The following AKAP6 variants were observed in gnomAD, a reference collection of about 807,000 sequenced individuals.
AKAP6 encodes the protein A-kinase anchor protein 6.
AKAP6 carries 58 observed loss-of-function variants against 188.5 expected under a neutral mutation model. The observed-to-expected ratio is 0.31, with a 90% CI of 0.25 to 0.38. The LOEUF is 0.38. Ranked by LOEUF, AKAP6 falls within the 10% of genes least tolerant of loss-of-function variation. The pLI is 1.00. For synonymous variants in AKAP6, 989 were observed against 998.6 expected (o/e 0.99, Z 0.18); for missense variants, 2,710 against 2,740.0 (o/e 0.99, Z 0.24).
chr14:32,560,091 A>C (rs1221126803), intron 4 of AKAP6, among the ~76,000 whole-genome samples: 1 of 152,152 alleles, frequency 6.6e-6, no homozygotes, highest in Non-Finnish European at 1.5e-5. Context: ...AATTTAACAA[A>C]TGTCTCCAAG....
At chr14:32,645,401 A>G (rs1240644917) in intron 7 of AKAP6, among the ~76,000 whole-genome samples, 2 of 152,132 alleles carry the variant, frequency 1.3e-5, no homozygotes, top group African/African-American at 2.4e-5. Context: ...CAGACAATCT[A>G]TTTCATAACT....
chr14:32,591,746 T>G (rs1566593413), intron 5 of AKAP6, among the ~76,000 whole-genome samples: 1 of 152,224 alleles, frequency 6.6e-6, no homozygotes, highest in African/African-American at 2.4e-5. Context: ...CAGAGTTCTT[T>G]TATTTTTTAA....
rs546819675 is a variant in AKAP6, at chr14:32,811,255, A to AAAAAAAAAAAAAAAAAAAAAAAAAAT, written c.3589-10146_3589-10145insAAAAAAAAAAAAAAAAAAAAAAAATA. Among the ~76,000 whole-genome samples the AAAAAAAAAAAAAAAAAAAAAAAAAAT allele has an allele frequency of 2.0e-4, 24 of 118,340 alleles. 2 individuals are homozygous for AAAAAAAAAAAAAAAAAAAAAAAAAAT. The highest frequency in any genetic ancestry group is 2.6e-4 in the East Asian group (1 of 3,844). The allele number at this position is 118,340 out of a possible 152,430, so 77.6% of individuals were successfully genotyped here. On this transcript the variant is annotated intron_variant, in intron 12 of 13. Transcript: ENST00000280979. Reference sequence around the variant, plus strand: ...CTCCGTCTCAGGAAAAAAAAAAAAAAAGTTGAAAAACAGACTAAGATAATG... The same window carrying AAAAAAAAAAAAAAAAAAAAAAAAAAT: ...CTCCGTCTCAGGAAAAAAAAAAAAAAAAAAAAAAAAAAAAAAAAAAAAAAATAGTTGAAAAACAGACTAAGATAATG...
intron 12 of AKAP6, among the ~76,000 whole-genome samples, chr14:32,817,292 T>G (rs189336603): frequency 2.4e-3 from 361 of 152,232 alleles, no homozygotes; most frequent in Non-Finnish European, 3.7e-3. Context: ...GGAATCTTGG[T>G]TCTTCTTTTT....
intron 1 of AKAP6, among the ~76,000 whole-genome samples, chr14:32,372,575 T>A (rs1236356442): frequency 4.0e-5 from 6 of 151,510 alleles, no homozygotes; most frequent in African/African-American, 4.8e-5. Flanking sequence ...TTTTTTTTTT[T>A]AATTTTTGGA....
At chr14:32,420,247 G>T (rs1027828359) in intron 1 of AKAP6, among the ~76,000 whole-genome samples, 7 of 151,994 alleles carry the variant, frequency 4.6e-5, no homozygotes, top group African/African-American at 1.7e-4. Flanking sequence ...GGATGGTATG[G>T]CTACTCCCTG....
intron 2 of AKAP6, among the ~76,000 whole-genome samples, chr14:32,470,594 G>GAGAGGAAAACTGCC (rs1228259197): frequency 2.6e-5 from 4 of 152,132 alleles, no homozygotes; most frequent in Non-Finnish European, 5.9e-5. Context: ...TAAAGCAGCT[G>GAGAGGAAAACTGCC]AGAGGAAAAC....
chr14:32,335,030 A>G (rs1046282188), intron 1 of AKAP6, among the ~76,000 whole-genome samples: 1 of 152,120 alleles, frequency 6.6e-6, no homozygotes, highest in African/African-American at 2.4e-5. Flanking sequence ...TACTCCCTGC[A>G]GCCTTGAAAT....
intron 2 of AKAP6, among the ~76,000 whole-genome samples, chr14:32,509,913 G>A (rs762342460): frequency 1.1e-4 from 16 of 152,166 alleles, no homozygotes; most frequent in Middle Eastern, 3.4e-3. Context: ...CTTCATTCCC[G>A]TTGAAGCTGC....
chr14:32,585,087 G>A (rs759587500), intron 5 of AKAP6, among the ~76,000 whole-genome samples: 11 of 150,912 alleles, frequency 7.3e-5, no homozygotes, highest in Admixed American at 1.3e-4. Flanking sequence ...TAAGAGTAAA[G>A]CAGCAGAGCA....
rs185944841 is a variant in AKAP6 at position 32,577,002 on chromosome 14, G to A, written c.2347-118G>A. 2.3e-4 allele frequency: 264 copies of A among 1,139,538 alleles called. 1 individual carries two copies. In the East Asian group the frequency reaches 6.7e-3, roughly 29 times the overall value. The allele number at this position is 1,139,538 out of a possible 1,614,324, so 70.6% of individuals were successfully genotyped here. A position where few individuals can be genotyped will look rare whatever the true frequency, so the allele number is the denominator to read the frequency against. On this transcript the variant is annotated intron_variant, in intron 4 of 13. Coordinates refer to ENST00000280979, the MANE Select transcript of AKAP6 (RefSeq NM_004274.5). ...AAAGATGAAACTAGGATAGGAGTGCGGTGGGATCGATTTGATCATGGATAA... is the reference window on the plus strand; with the variant it reads ...AAAGATGAAACTAGGATAGGAGTGCAGTGGGATCGATTTGATCATGGATAA...
intron 2 of AKAP6, among the ~76,000 whole-genome samples, chr14:32,465,770 A>G (rs1412609302): frequency 6.6e-6 from 1 of 152,238 alleles, no homozygotes; most frequent in Non-Finnish European, 1.5e-5. Context: ...CACGCAAAAG[A>G]AATTATCATC....
intron 2 of AKAP6, among the ~76,000 whole-genome samples, chr14:32,526,981 G>T (rs1882162609): frequency 6.6e-6 from 1 of 152,152 alleles, no homozygotes; most frequent in Admixed American, 6.5e-5. Context: ...CAATTCCATA[G>T]TGTACATAGT....
At chr14:32,544,722 T>C (rs972027216) in intron 3 of AKAP6, among the ~76,000 whole-genome samples, 2 of 152,240 alleles carry the variant, frequency 1.3e-5, no homozygotes, top group Admixed American at 6.5e-5. Context: ...GATTCATCAA[T>C]ATATGTTTAA....
intron 11 of AKAP6, among the ~76,000 whole-genome samples, chr14:32,754,397 C>T (rs1397177108): frequency 6.6e-6 from 1 of 152,064 alleles, no homozygotes; most frequent in Non-Finnish European, 1.5e-5. Context: ...TTAACTTCTC[C>T]TCCTCCCCCA....
chr14:32,721,376 T>G (rs1011690642), intron 9 of AKAP6, among the ~76,000 whole-genome samples: 1 of 152,154 alleles, frequency 6.6e-6, no homozygotes, highest in Non-Finnish European at 1.5e-5. Context: ...ATGAAGGAAA[T>G]TTTTGAGGGT....
chr14:32,755,970 A>G (rs1394050335), intron 11 of AKAP6, among the ~76,000 whole-genome samples: 1 of 152,160 alleles, frequency 6.6e-6, no homozygotes, highest in African/African-American at 2.4e-5. Flanking sequence ...TCCAGTCTTT[A>G]CAGACTCACT....
At position 32,440,804 on chromosome 14, in the gene AKAP6, T is replaced by C. The variant is rs146913120; in HGVS notation, c.324+6987T>C. ...ATGTATTTGTTGATGGGTATGAGGA[T>C]GGTAACATTTATTATTTTCCCAAAG... On this transcript the variant is annotated intron_variant, in intron 2 of 13. Transcript: ENST00000280979. Among the ~76,000 whole-genome samples, 462 of 152,344 alleles carry C rather than the reference T, an allele frequency of 3.0e-3. 4 individuals are homozygous for C. The highest frequency in any genetic ancestry group is 8.1e-3 in the South Asian group (39 of 4,832).
At chr14:32,607,023 A>G (rs1041893676) in intron 7 of AKAP6, among the ~76,000 whole-genome samples, 5 of 152,192 alleles carry the variant, frequency 3.3e-5, no homozygotes, top group Non-Finnish European at 5.9e-5. Flanking sequence ...TTTGTTTACC[A>G]GATGCCCAAG....
Sources: gnomAD v4.1 joint callset for allele counts (sites outside exome capture counted in the v4.1 genomes callset) on GRCh38, gnomAD v4.1.1 for gene constraint, MANE v1.5 for transcripts, NCBI Gene and HGNC (gene_info 2026-07-23, HGNC 2026-07-21) for gene names.